Variants in CDH13 observed in about 807,000 individuals in gnomAD.
The protein encoded by CDH13 is cadherin 13, also known as cadherin-13.
CDH13 carries 24 observed loss-of-function variants against 63.8 expected under a neutral mutation model. That is an observed-to-expected ratio of 0.38 (90% CI 0.27 to 0.53). The LOEUF is 0.53. CDH13 is among the 20% of genes least tolerant of loss of function. The pLI is 0.85. For missense variants in CDH13, 1,049 were observed against 903.1 expected (o/e 1.16, Z -2.07); for synonymous variants, 503 against 355.3 (o/e 1.42, Z -4.67).
At chr16:82,842,149 T>TATATATATACATAC (rs2039058876) in intron 1 of CDH13, among the ~76,000 whole-genome samples, 2 of 37,614 alleles carry the variant, frequency 5.3e-5, no homozygotes, top group African/African-American at 1.5e-4. Context: ...CACATATATA[T>TATATATATACATAC]ATATATATAT....
intron 6 of CDH13, among the ~76,000 whole-genome samples, chr16:83,477,533 C>T (rs1158635355): frequency 6.6e-6 from 1 of 152,094 alleles, no homozygotes; most frequent in Non-Finnish European, 1.5e-5. Context: ...ATATCTCGTG[C>T]CCGTTTAGTC....
chr16:83,476,883 A>G (rs1487222491), intron 6 of CDH13, among the ~76,000 whole-genome samples: 3 of 152,236 alleles, frequency 2.0e-5, no homozygotes, highest in Admixed American at 1.3e-4. Context: ...ACATCATTTA[A>G]TTCAGCATAG....
At chr16:83,716,617 G>A (rs1018542860) in intron 10 of CDH13, among the ~76,000 whole-genome samples, 4 of 152,064 alleles carry the variant, frequency 2.6e-5, no homozygotes, top group Admixed American at 2.6e-4. Context: ...CAGAGTAGCT[G>A]GGACTACAGG....
chr16:83,315,793 T>C (rs7194029), intron 5 of CDH13, among the ~76,000 whole-genome samples: 47,113 of 152,022 alleles, frequency 0.31, 7,497 homozygotes, highest in East Asian at 0.5. Context: ...GTGCTTGTTA[T>C]AGTGGGTGAA....
intron 4 of CDH13, among the ~76,000 whole-genome samples, chr16:83,203,326 A>G (rs568538708): frequency 6.6e-6 from 1 of 152,338 alleles, no homozygotes; most frequent in Admixed American, 6.5e-5. Flanking sequence ...CCTCAGAGTC[A>G]TGCAATATAC....
intron 6 of CDH13, among the ~76,000 whole-genome samples, chr16:83,360,024 A>G (rs1169047106): frequency 6.6e-6 from 1 of 152,212 alleles, no homozygotes; most frequent in African/African-American, 2.4e-5. Context: ...GAGAGAGAGT[A>G]CATAGTACGT....
intron 9 of CDH13, among the ~76,000 whole-genome samples, chr16:83,675,239 G>A (rs1235679664): frequency 6.6e-6 from 1 of 152,138 alleles, no homozygotes; most frequent in Non-Finnish European, 1.5e-5. Flanking sequence ...GCACTCCGAG[G>A]GGATTAGGAA....
At chr16:82,950,958 T>TG (rs1905231640) in intron 2 of CDH13, among the ~76,000 whole-genome samples, 1 of 152,138 alleles carries the variant, frequency 6.6e-6, no homozygotes, top group Non-Finnish European at 1.5e-5. Context: ...AATCTAGAAC[T>TG]CTCCAACTGC....
At chr16:83,438,090 T>C (rs1598020230) in intron 6 of CDH13, among the ~76,000 whole-genome samples, 2 of 152,324 alleles carry the variant, frequency 1.3e-5, no homozygotes, top group South Asian at 4.2e-4. Context: ...GATGCCACTG[T>C]CCTGCTCAAA....
intron 7 of CDH13, among the ~76,000 whole-genome samples, chr16:83,576,906 A>G (rs758365203): frequency 6.6e-6 from 1 of 152,198 alleles, no homozygotes; most frequent in African/African-American, 2.4e-5. Context: ...CCCTTATCAG[A>G]TGTATGATTT....
chr16:83,355,546 A>T (rs941370341), intron 6 of CDH13, among the ~76,000 whole-genome samples: 6 of 152,362 alleles, frequency 3.9e-5, no homozygotes, highest in Non-Finnish European at 7.3e-5. Flanking sequence ...GAAAGCCTGA[A>T]TCCCGATAAA....
At chr16:83,295,940 G>A (rs1403335938) in intron 5 of CDH13, among the ~76,000 whole-genome samples, 3 of 152,118 alleles carry the variant, frequency 2.0e-5, no homozygotes, top group East Asian at 1.9e-4. Flanking sequence ...GTGGATCAAT[G>A]GATCAATGGA....
intron 5 of CDH13, among the ~76,000 whole-genome samples, chr16:83,223,525 C>T (rs773759430): frequency 4.7e-4 from 71 of 152,212 alleles, no homozygotes; most frequent in Non-Finnish European, 4.7e-4. Flanking sequence ...CTGGCTCTTC[C>T]TGCCACTTTG....
intron 4 of CDH13, among the ~76,000 whole-genome samples, chr16:83,155,148 A>C (rs967764096): frequency 6.6e-6 from 1 of 152,248 alleles, no homozygotes; most frequent in African/African-American, 2.4e-5. Flanking sequence ...CTTTGAAAGC[A>C]ACCAAATTTG....
intron 2 of CDH13, among the ~76,000 whole-genome samples, chr16:82,955,237 T>C (rs911463431): frequency 2.0e-5 from 3 of 152,212 alleles, no homozygotes; most frequent in African/African-American, 4.8e-5. Flanking sequence ...TTTAATTTGC[T>C]GTTTAATTAA....
intron 5 of CDH13, among the ~76,000 whole-genome samples, chr16:83,324,665 T>C (rs2090319712): frequency 6.6e-6 from 1 of 152,218 alleles, no homozygotes; most frequent in Non-Finnish European, 1.5e-5. Flanking sequence ...ACAGTTGGGT[T>C]GTTTCTACCT....
At chr16:83,269,508 T>C (rs762776264) in intron 5 of CDH13, among the ~76,000 whole-genome samples, 6 of 149,126 alleles carry the variant, frequency 4.0e-5, no homozygotes, top group Admixed American at 6.7e-5. Flanking sequence ...GATCTTAGAA[T>C]AGTGTGAGTT....
intron 1 of CDH13, among the ~76,000 whole-genome samples, chr16:82,851,703 A>G (rs541710272): frequency 6.7e-6 from 1 of 150,122 alleles, no homozygotes; most frequent in East Asian, 2.0e-4. Flanking sequence ...GTGTGTGTGC[A>G]TGCACATGTC....
At chr16:83,128,656 C>G (rs74365746) in intron 4 of CDH13, among the ~76,000 whole-genome samples, 6,414 of 152,298 alleles carry the variant, frequency 0.042, 424 homozygotes, top group African/African-American at 0.14. Flanking sequence ...CAATTACACA[C>G]AATTTCCTCC....
Sources: allele counts gnomAD v4.1 joint callset (sites outside exome capture counted in the v4.1 genomes callset), GRCh38; gene constraint gnomAD v4.1.1; transcripts MANE v1.5; gene names NCBI Gene and HGNC (gene_info 2026-07-23, HGNC 2026-07-21).